UNC5A: variants seen among roughly 807,000 people sequenced by gnomAD.
UNC5A encodes the protein netrin receptor UNC5A.
In UNC5A, 20 loss-of-function variants were observed where a neutral mutation model predicts 87.4. That is an observed-to-expected ratio of 0.23 (90% CI 0.16 to 0.33). The LOEUF (loss-of-function observed/expected upper bound fraction) is 0.33. UNC5A is among the 10% of genes least tolerant of loss of function. The pLI is 1.00. For synonymous variants in UNC5A, 438 were observed against 482.3 expected (o/e 0.91, Z 1.20); for missense variants, 844 against 1,133.4 (o/e 0.74, Z 3.67).
intron 8 of UNC5A, among the ~76,000 whole-genome samples, 161 bp from the exon 9 acceptor site, chr5:176,877,031 G>C (rs1000286426): frequency 6.6e-6 from 1 of 152,190 alleles, no homozygotes. Context: ...CTTCATGCCT[G>C]TGGGGGTGGT....
chr5:176,818,737 T>C (rs530268770), intron 1 of UNC5A, among the ~76,000 whole-genome samples: 22 of 152,294 alleles, frequency 1.4e-4, no homozygotes, highest in Admixed American at 4.6e-4. Flanking sequence ...ATGGACTTGA[T>C]GGGAGAATGT....
Position 176,845,451 on chromosome 5 carries a change from C to T in UNC5A, c.71-17173C>T, listed in dbSNP as rs143858868. On this transcript the variant is annotated intron_variant, in intron 1 of 14. Transcript: ENST00000329542. Reference sequence around the variant, plus strand: ...TACCCACCTCCTCTTGGCCCCTGCCCGTTCCCCGAGGCCCTGAGGCAGGGC... The same window carrying T: ...TACCCACCTCCTCTTGGCCCCTGCCTGTTCCCCGAGGCCCTGAGGCAGGGC... 4.2e-4 allele frequency among the ~76,000 whole-genome samples: 64 copies of T among 152,362 alleles called. 1 individual carries two copies. Among genetic ancestry groups the T allele is most frequent in the African/African-American group, 1.5e-3 (63 of 41,582 alleles).
rs117600422 is a variant in UNC5A at position 176,851,657 on chromosome 5, C to T, written c.71-10967C>T. ...GCCTCTGAGGGAGCTCTGTGCACCC[C>T]CCTCGGGTGGCCCCCGGAGAGGGGA... On this transcript the variant is annotated intron_variant, in intron 1 of 14. Transcript: ENST00000329542. Among the ~76,000 whole-genome samples the T allele has an allele frequency of 2.6e-3, 391 of 152,328 alleles. 12 individuals are homozygous for T. In the East Asian group the frequency reaches 0.058, roughly 22 times the overall value.
chr5:176,858,748 A>AAGGG (rs1757731457), intron 1 of UNC5A, among the ~76,000 whole-genome samples: 1 of 124,256 alleles, frequency 8.0e-6, no homozygotes, highest in African/African-American at 3.2e-5. Context: ...GGAAGGAAGG[A>AAGGG]AGGAAGGAAG....
intron 1 of UNC5A, among the ~76,000 whole-genome samples, chr5:176,861,299 G>A (rs1160029498): frequency 1.3e-5 from 2 of 152,204 alleles, no homozygotes; most frequent in Non-Finnish European, 2.9e-5. Context: ...TTAAGAACTG[G>A]GCACCACGCC....
At chr5:176,831,030 C>G (rs1240624880) in intron 1 of UNC5A, among the ~76,000 whole-genome samples, 1 of 151,880 alleles carries the variant, frequency 6.6e-6, no homozygotes, top group African/African-American at 2.4e-5. Context: ...CCTGCAGCCT[C>G]GCTCTGTGGT....
At chr5:176,864,046 G>A (rs1377707705) in intron 2 of UNC5A, among the ~76,000 whole-genome samples, 1 of 151,600 alleles carries the variant, frequency 6.6e-6, no homozygotes, top group African/African-American at 2.4e-5. Flanking sequence ...GGGACACACA[G>A]GCCATTGCCG....
chr5:176,850,208 A>T (rs1010494744), intron 1 of UNC5A, among the ~76,000 whole-genome samples: 2 of 152,178 alleles, frequency 1.3e-5, no homozygotes, highest in Non-Finnish European at 2.9e-5. Flanking sequence ...CAGGTTTAGG[A>T]GGAAGTCGGG....
At position 176,867,100 on chromosome 5, in the gene UNC5A, C is replaced by G. The variant is rs370794939; in HGVS notation, c.293-1030C>G. Among the ~76,000 whole-genome samples the G allele has an allele frequency of 4.3e-4, 65 of 152,308 alleles. No homozygotes were observed. The East Asian group carries it at 8.5e-3, about 20-fold the overall frequency. On this transcript the variant is annotated intron_variant, in intron 2 of 14. Transcript: ENST00000329542. ...CCGCAATGCAGCCCTAATTGAATTT[C>G]GCTGTTAACAATGGAAACACATTGG...
At chr5:176,864,550 T>C (rs1410187338) in intron 2 of UNC5A, among the ~76,000 whole-genome samples, 3 of 152,214 alleles carry the variant, frequency 2.0e-5, no homozygotes, top group Non-Finnish European at 4.4e-5. Flanking sequence ...CGGTTGAGAC[T>C]GAGGCCTTGG....
chr5:176,818,281 T>C (rs1446151530), intron 1 of UNC5A, among the ~76,000 whole-genome samples: 1 of 152,152 alleles, frequency 6.6e-6, no homozygotes, highest in East Asian at 1.9e-4. Flanking sequence ...TGCACCCGTG[T>C]CGCCATTCCC....
Position 176,844,394 on chromosome 5 carries a change from C to T in UNC5A, c.71-18230C>T, listed in dbSNP as rs923254623. Among the ~76,000 whole-genome samples the T allele has an allele frequency of 6.6e-6, 1 of 152,158 alleles. No individual in the cohort carries two copies. The highest frequency in any genetic ancestry group is 2.4e-5 in the African/African-American group (1 of 41,442). The stretch of plus-strand genomic sequence containing the variant: ...GCCTCACTCTGTTCTCCTGGGCCTT[C>T]CCTGTGCCAGGGAAGGAGAGGCCAG... On this transcript the variant is annotated intron_variant, in intron 1 of 14. Coordinates refer to ENST00000329542, the MANE Select transcript of UNC5A (RefSeq NM_133369.3). The surrounding 1 kb of genome is among the most constrained non-coding windows in gnomAD (Gnocchi z 4.2).
At chr5:176,870,967 G>A (rs1758097606) in intron 6 of UNC5A, among the ~76,000 whole-genome samples, 1 of 118,316 alleles carries the variant, frequency 8.5e-6, no homozygotes, top group Admixed American at 9.2e-5. Context: ...CAACACCACA[G>A]CTTCCCATCT....
At chr5:176,878,740 T>C in intron 13 of UNC5A, 101 bp downstream of exon 13, 2 of 1,449,566 alleles carry the variant, frequency 1.4e-6, no homozygotes, top group Non-Finnish European at 1.9e-6. Context: ...CCACCCACTC[T>C]CCCTCCCGCC....
At chr5:176,879,614 C>G (rs1367401095) in intron 14 of UNC5A, 107 bp from the exon 15 acceptor site, 1 of 1,550,102 alleles carries the variant, frequency 6.5e-7, no homozygotes, top group Non-Finnish European at 8.7e-7. Flanking sequence ...CCGGGGCAGT[C>G]ATTGTGTTTG....
rs138050062 is a variant in UNC5A at position 176,833,580 on chromosome 5, G to T, written c.70+22760G>T. Among the ~76,000 whole-genome samples, 1,452 of 152,294 alleles carry T rather than the reference G, an allele frequency of 9.5e-3. 26 individuals are homozygous for T. The highest frequency in any genetic ancestry group is 0.033 in the African/African-American group (1,371 of 41,550). On this transcript the variant is annotated intron_variant, in intron 1 of 14. Coordinates refer to ENST00000329542, the MANE Select transcript of UNC5A (RefSeq NM_133369.3). ...TAGGCCATGGCCTGGGACTCAGGTG[G>T]GGCCTCCCTAGGCACCTGCAGGACC...
intron 2 of UNC5A, among the ~76,000 whole-genome samples, chr5:176,863,258 G>A (rs1176546886): frequency 1.3e-5 from 2 of 152,190 alleles, no homozygotes; most frequent in Non-Finnish European, 2.9e-5. Flanking sequence ...ACCGGTTAGG[G>A]AGTGCAGAAG....
In UNC5A at chr5:176,848,905, G is replaced by C. The variant is rs1049330516; in HGVS notation, c.71-13719G>C. ...GCTGAGAGGACACCTGGTGCTGACA[G>C]GTACATCCTGCTACCCGCCCAGGTA... is the stretch of plus-strand genomic sequence containing the variant. On this transcript the variant is annotated intron_variant, in intron 1 of 14. Transcript: ENST00000329542. The surrounding 1 kb of genome is among the most constrained non-coding windows in gnomAD (Gnocchi z 5.8). 6.6e-6 allele frequency among the ~76,000 whole-genome samples: 1 copy of C among 152,242 alleles called. No individual in the cohort carries two copies. Among genetic ancestry groups the C allele is most frequent in the African/African-American group, 2.4e-5 (1 of 41,466 alleles).
chr5:176,877,831 A>G (rs1758301213), intron 10 of UNC5A, 63 bp from the exon 11 acceptor site: 3 of 1,533,532 alleles, frequency 2.0e-6, no homozygotes, highest in Middle Eastern at 1.9e-4. Context: ...CACTTCTTGA[A>G]GCCACAGCTG....
Sources: gnomAD v4.1 joint callset for allele counts (sites outside exome capture counted in the v4.1 genomes callset) on GRCh38, gnomAD v4.1.1 for gene constraint, Gnocchi (gnomAD v3.1) non-coding constraint, MANE v1.5 for transcripts, NCBI Gene and HGNC (gene_info 2026-07-23, HGNC 2026-07-21) for gene names.